The following ARMC9 variants were observed in gnomAD, a reference collection of about 807,000 sequenced individuals.
ARMC9 encodes the protein lisH domain-containing protein ARMC9.
In ARMC9, 94 loss-of-function variants were observed where a neutral mutation model predicts 107.0. The ratio of observed to expected loss-of-function variants is 0.88; its 90% CI spans 0.74 to 1.04. The LOEUF (loss-of-function observed/expected upper bound fraction) is 1.04, where lower values mean the gene tolerates loss of function less well. ARMC9 is among the 50% of genes least tolerant of loss of function. The pLI, the probability that ARMC9 is intolerant of heterozygous loss-of-function variation, is 0.00. For synonymous variants in ARMC9, 380 were observed against 396.9 expected (o/e 0.96, Z 0.51); for missense variants, 942 against 1,030.1 (o/e 0.91, Z 1.17).
chr2:231,215,814 C>T (rs78574808), intron 4 of ARMC9, among the ~76,000 whole-genome samples: 2,886 of 152,198 alleles, frequency 0.019, 91 homozygotes, highest in African/African-American at 0.067. Flanking sequence ...TTGTGGTAGC[C>T]GTTGTTGGAA....
intron 19 of ARMC9, among the ~76,000 whole-genome samples, chr2:231,299,998 G>A (rs1460177595): frequency 3.3e-5 from 5 of 152,174 alleles, no homozygotes; most frequent in Non-Finnish European, 1.5e-5. Context: ...TGAAACAGAC[G>A]TAATATGTTA....
At chr2:231,363,483 A>G (rs1398274717) in intron 23 of ARMC9, among the ~76,000 whole-genome samples, 1 of 152,032 alleles carries the variant, frequency 6.6e-6, no homozygotes, top group Non-Finnish European at 1.5e-5. Context: ...GGCACTGTTT[A>G]CTTAGCCCGG....
At chr2:231,368,538 G>T (rs1369982149) in intron 23 of ARMC9, among the ~76,000 whole-genome samples, 1 of 152,226 alleles carries the variant, frequency 6.6e-6, no homozygotes, top group East Asian at 1.9e-4. Flanking sequence ...ACAGGAGCCT[G>T]TAACTGTACC....
chr2:231,263,681 A>G (rs892802603), intron 12 of ARMC9, among the ~76,000 whole-genome samples: 1 of 152,206 alleles, frequency 6.6e-6, no homozygotes, highest in Admixed American at 6.5e-5. Flanking sequence ...AGGCAATACA[A>G]TCTGAGTTTT....
At chr2:231,235,894 G>A (rs1232518852) in intron 8 of ARMC9, among the ~76,000 whole-genome samples, 1 of 152,124 alleles carries the variant, frequency 6.6e-6, no homozygotes, top group Non-Finnish European at 1.5e-5. Context: ...CGCCAGCCTT[G>A]GCCTCCCAAA....
At chr2:231,261,422 A>G (rs1362777841) in intron 11 of ARMC9, among the ~76,000 whole-genome samples, 1 of 152,232 alleles carries the variant, frequency 6.6e-6, no homozygotes, top group Non-Finnish European at 1.5e-5. Context: ...GCATGCACGC[A>G]CACACACGTG....
chr2:231,334,560 T>G (rs1313438242), intron 20 of ARMC9, among the ~76,000 whole-genome samples: 3 of 152,202 alleles, frequency 2.0e-5, no homozygotes, highest in Non-Finnish European at 4.4e-5. Flanking sequence ...ATTCACAGTT[T>G]CCAGGGGTCA....
chr2:231,208,568 GGGGATCCAGCAGT>G (rs1284785991), intron 3 of ARMC9, among the ~76,000 whole-genome samples: 1 of 152,210 alleles, frequency 6.6e-6, no homozygotes, highest in Non-Finnish European at 1.5e-5. Flanking sequence ...TCTAGGCACT[GGGGATCCAGCAGT>G]GAACAAACAA....
chr2:231,364,008 G>C (rs1235379501), intron 23 of ARMC9, among the ~76,000 whole-genome samples: 2 of 151,994 alleles, frequency 1.3e-5, no homozygotes, highest in Non-Finnish European at 2.9e-5. Flanking sequence ...TAAGTAGCAG[G>C]ATAAAACGAA....
chr2:231,286,414 G>A (rs1330481926), intron 17 of ARMC9, among the ~76,000 whole-genome samples: 2 of 152,054 alleles, frequency 1.3e-5, no homozygotes, highest in African/African-American at 2.4e-5. Flanking sequence ...CGCGCCCGGT[G>A]CCTGCTGGTA....
Position 231,206,272 on chromosome 2 carries a change from C to G in ARMC9, c.34C>G (p.Leu12Val). ...GDILAHESEL[L>V]GLVKEYLDFA... Reference sequence around the variant, plus strand: ...CATTCTGGCTCATGAATCTGAATTACTTGGACTAGTGAAAGAGGTAGGTAT... The same window carrying G: ...CATTCTGGCTCATGAATCTGAATTAGTTGGACTAGTGAAAGAGGTAGGTAT... The change falls in exon 2 of 25, where the codon CTT becomes GTT. Residue 12 changes from leucine to valine, a missense_variant. Transcript: ENST00000611582. 6.2e-7 allele frequency: 1 copy of G among 1,613,578 alleles called. No homozygotes were observed. Among genetic ancestry groups the G allele is most frequent in the East Asian group, 2.2e-5 (1 of 44,886 alleles).
chr2:231,283,567 C>G (rs1332606183), intron 17 of ARMC9, among the ~76,000 whole-genome samples: 2 of 152,124 alleles, frequency 1.3e-5, no homozygotes, highest in African/African-American at 4.8e-5. Flanking sequence ...GTAGCTGGAA[C>G]TACAGGTGTG....
chr2:231,328,885 G>A (rs1278414028), intron 19 of ARMC9, among the ~76,000 whole-genome samples: 1 of 148,394 alleles, frequency 6.7e-6, no homozygotes, highest in African/African-American at 2.5e-5. Context: ...GACAATCTCG[G>A]CTCACTGCAA....
intron 8 of ARMC9, 38 bp from the exon 9 acceptor site, chr2:231,239,905 T>G: frequency 6.3e-7 from 1 of 1,575,698 alleles, no homozygotes; most frequent in South Asian, 1.1e-5. Flanking sequence ...TCAGTGAGTT[T>G]CATGCCATCA....
chr2:231,280,142 A>C (rs17586912), intron 16 of ARMC9, among the ~76,000 whole-genome samples: 14,120 of 152,228 alleles, frequency 0.093, 855 homozygotes, highest in South Asian at 0.27. Context: ...ACCTGCTACC[A>C]ATGCATTGGC....
chr2:231,281,987 TGTG>T, intron 16 of ARMC9, 69 bp from the exon 17 acceptor site: 2 of 1,400,960 alleles, frequency 1.4e-6, no homozygotes, highest in East Asian at 2.3e-5. Flanking sequence ...TGTTCTGAGG[TGTG>T]GTGTTTGATA....
chr2:231,221,701 G>A (rs927774525), intron 5 of ARMC9, among the ~76,000 whole-genome samples: 1 of 151,388 alleles, frequency 6.6e-6, no homozygotes, highest in African/African-American at 2.4e-5. Context: ...AGCCAGGCTT[G>A]GTGACCCTCG....
At chr2:231,249,755 G>A (rs1574793718) in intron 9 of ARMC9, among the ~76,000 whole-genome samples, 1 of 152,048 alleles carries the variant, frequency 6.6e-6, no homozygotes, top group East Asian at 1.9e-4. Context: ...TCCTAAAAAG[G>A]GTTGCGCCTG....
intron 12 of ARMC9, 56 bp downstream of exon 12, chr2:231,262,454 C>G (rs1309663673): frequency 6.9e-7 from 1 of 1,444,536 alleles, no homozygotes; most frequent in Non-Finnish European, 9.7e-7. Flanking sequence ...AGGGAATGAT[C>G]TTAGCAGATG....
Sources: gnomAD v4.1 joint callset for allele counts (sites outside exome capture counted in the v4.1 genomes callset) on GRCh38, gnomAD v4.1.1 for gene constraint, MANE v1.5 for transcripts, NCBI Gene and HGNC (gene_info 2026-07-23, HGNC 2026-07-21) for gene names.